CLSTN2: variants seen among roughly 807,000 people sequenced by gnomAD.
CLSTN2 encodes the protein calsyntenin 2.
CLSTN2 carries 48 observed loss-of-function variants against 101.2 expected under a neutral mutation model. The ratio of observed to expected loss-of-function variants is 0.47; its 90% CI spans 0.38 to 0.60. The LOEUF is 0.60. Ranked by LOEUF, CLSTN2 falls within the 20% of genes least tolerant of loss-of-function variation. The probability of loss-of-function intolerance (pLI) is 0.00; values close to 1 mark genes in which losing one functional copy is unlikely to be tolerated. For synonymous variants in CLSTN2, 481 were observed against 463.6 expected (o/e 1.04, Z -0.48); for missense variants, 1,160 against 1,238.2 (o/e 0.94, Z 0.95).
chr3:140,503,797 A>G (rs1319025774), intron 8 of CLSTN2, among the ~76,000 whole-genome samples: 13 of 152,210 alleles, frequency 8.5e-5, no homozygotes. Context: ...TGATTCGGCT[A>G]TAGCCCCTGG....
At chr3:140,313,555 T>C (rs1404076454) in intron 2 of CLSTN2, among the ~76,000 whole-genome samples, 1 of 152,154 alleles carries the variant, frequency 6.6e-6, no homozygotes, top group Non-Finnish European at 1.5e-5. Context: ...AGGTGGCAGT[T>C]GCGGTCACTG....
At position 139,982,994 on chromosome 3, in the gene CLSTN2, A is replaced by G. The variant is rs57481040; in HGVS notation, c.109+47511A>G. Among the ~76,000 whole-genome samples, 634 of 150,450 alleles carry G rather than the reference A, an allele frequency of 4.2e-3. 6 individuals are homozygous for G. The highest frequency in any genetic ancestry group is 0.014 in the African/African-American group (556 of 41,178). On this transcript the variant is annotated intron_variant, in intron 1 of 16. Coordinates refer to ENST00000458420, the MANE Select transcript of CLSTN2 (RefSeq NM_022131.3). ...TATACTTTATATATATAGTGTATATATATAATCTGGCTGTGCATGAGAGTT... is the reference window on the plus strand; with the variant it reads ...TATACTTTATATATATAGTGTATATGTATAATCTGGCTGTGCATGAGAGTT...
intron 2 of CLSTN2, among the ~76,000 whole-genome samples, chr3:140,368,296 T>A (rs1325643943): frequency 6.6e-6 from 1 of 152,124 alleles, no homozygotes. Context: ...GTTAGCACCA[T>A]CAACAAGCTC....
At chr3:139,944,696 C>T (rs1010432781) in intron 1 of CLSTN2, among the ~76,000 whole-genome samples, 4 of 152,218 alleles carry the variant, frequency 2.6e-5, no homozygotes, top group Non-Finnish European at 5.9e-5. Flanking sequence ...GGTGCTAGGG[C>T]GCTGCTGCCC....
chr3:140,021,394 G>A (rs1001331105), intron 1 of CLSTN2, among the ~76,000 whole-genome samples: 2 of 152,176 alleles, frequency 1.3e-5, no homozygotes, highest in African/African-American at 4.8e-5. Context: ...GACTGTCAAC[G>A]TAGTCAACCC....
intron 1 of CLSTN2, among the ~76,000 whole-genome samples, chr3:140,106,189 T>C (rs1216986607): frequency 6.6e-6 from 1 of 152,184 alleles, no homozygotes; most frequent in East Asian, 1.9e-4. Context: ...ACAGATTCCC[T>C]GAGTAACAGG....
chr3:140,436,827 C>T (rs149250699), intron 5 of CLSTN2, among the ~76,000 whole-genome samples: 7 of 152,330 alleles, frequency 4.6e-5, no homozygotes, highest in Non-Finnish European at 1.0e-4. Context: ...AACTCACTTT[C>T]AGCCACAGTT....
At chr3:140,059,764 C>T (rs1263645322) in intron 1 of CLSTN2, among the ~76,000 whole-genome samples, 1 of 152,282 alleles carries the variant, frequency 6.6e-6, no homozygotes, top group Admixed American at 6.5e-5. Flanking sequence ...CAGGCTGAAC[C>T]TGCAACCTTT....
intron 8 of CLSTN2, among the ~76,000 whole-genome samples, chr3:140,484,729 C>T (rs1314520671): frequency 2.0e-5 from 3 of 152,196 alleles, no homozygotes; most frequent in Non-Finnish European, 4.4e-5. Context: ...ATCACTGATA[C>T]CCTTTCTTCC....
chr3:139,957,491 C>CTT (rs71627872), intron 1 of CLSTN2, among the ~76,000 whole-genome samples: 1 of 145,576 alleles, frequency 6.9e-6, no homozygotes, highest in Non-Finnish European at 1.5e-5. Flanking sequence ...GTAATCTTTA[C>CTT]TTTTTTTTTT....
intron 8 of CLSTN2, among the ~76,000 whole-genome samples, chr3:140,468,057 C>A (rs1351786737): frequency 6.6e-6 from 1 of 152,194 alleles, no homozygotes; most frequent in Admixed American, 6.5e-5. Flanking sequence ...CCCAGTAAAT[C>A]CCATCCTGCT....
At chr3:140,387,047 A>C (rs886098357) in intron 2 of CLSTN2, among the ~76,000 whole-genome samples, 23 of 152,202 alleles carry the variant, frequency 1.5e-4, no homozygotes, top group African/African-American at 5.1e-4. Context: ...GCCTAGCTTA[A>C]GGCATAACTT....
intron 1 of CLSTN2, among the ~76,000 whole-genome samples, chr3:140,121,663 C>T (rs980784681): frequency 6.6e-6 from 1 of 152,170 alleles, no homozygotes; most frequent in African/African-American, 2.4e-5. Context: ...AGTCCTCAGT[C>T]CCCTTCTCAC....
intron 2 of CLSTN2, among the ~76,000 whole-genome samples, chr3:140,191,036 A>G (rs1337834644): frequency 6.6e-6 from 1 of 152,100 alleles, no homozygotes; most frequent in Non-Finnish European, 1.5e-5. Context: ...CAGTAAATAT[A>G]ATGTTACCTG....
chr3:139,978,996 T>C (rs947956573), intron 1 of CLSTN2, among the ~76,000 whole-genome samples: 1 of 152,166 alleles, frequency 6.6e-6, no homozygotes, highest in African/African-American at 2.4e-5. Flanking sequence ...CAAATAATTA[T>C]TCATTTTTTT....
At chr3:140,057,985 T>C (rs2107771372) in intron 1 of CLSTN2, among the ~76,000 whole-genome samples, 1 of 152,328 alleles carries the variant, frequency 6.6e-6, no homozygotes, top group African/African-American at 2.4e-5. Context: ...TTTCCAGAAG[T>C]TCACGCTCTG....
chr3:140,123,136 A>C, intron 1 of CLSTN2, among the ~76,000 whole-genome samples: 1 of 116,444 alleles, frequency 8.6e-6, no homozygotes. Context: ...TTGCTTCCAA[A>C]ATGATACCTT....
chr3:140,184,497 AC>A (rs1265260316), intron 2 of CLSTN2, among the ~76,000 whole-genome samples: 1 of 151,660 alleles, frequency 6.6e-6, no homozygotes, highest in Admixed American at 6.6e-5. Flanking sequence ...TGGGAAAACC[AC>A]CCCCATGAGC....
chr3:140,497,164 G>A (rs916242086), intron 8 of CLSTN2, among the ~76,000 whole-genome samples: 5 of 151,996 alleles, frequency 3.3e-5, no homozygotes, highest in African/African-American at 1.2e-4. Flanking sequence ...GCAGTGTTGG[G>A]GGTAAGCCTT....
Sources: gnomAD v4.1 joint callset for allele counts (sites outside exome capture counted in the v4.1 genomes callset) on GRCh38, gnomAD v4.1.1 for gene constraint, MANE v1.5 for transcripts, NCBI Gene and HGNC (gene_info 2026-07-23, HGNC 2026-07-21) for gene names.